The following AUTS2 variants were observed in gnomAD, a reference collection of about 807,000 sequenced individuals.
AUTS2 encodes activator of transcription and developmental regulator AUTS2.
Under a neutral mutation model 112.4 loss-of-function variants are expected in AUTS2, and 17 were observed. That is an observed-to-expected ratio of 0.15 (90% confidence interval 0.10 to 0.23). AUTS2 has a LOEUF of 0.23. AUTS2 is among the 10% of genes least tolerant of loss of function. The probability of loss-of-function intolerance (pLI) is 1.00; values close to 1 mark genes in which losing one functional copy is unlikely to be tolerated. For missense variants in AUTS2, 1,510 were observed against 1,701.6 expected (o/e 0.89, Z 1.98); for synonymous variants, 751 against 702.7 (o/e 1.07, Z -1.09).
chr7:69,869,397 A>T (rs781051719), intron 1 of AUTS2, among the ~76,000 whole-genome samples: 1 of 152,042 alleles, frequency 6.6e-6, no homozygotes, highest in African/African-American at 2.4e-5. Flanking sequence ...GATTTGAGGC[A>T]TCGTGTCCTT....
At chr7:69,636,911 G>T (rs1247699031) in intron 1 of AUTS2, among the ~76,000 whole-genome samples, 1 of 151,948 alleles carries the variant, frequency 6.6e-6, no homozygotes, top group African/African-American at 2.4e-5. Context: ...GACTACAGGC[G>T]CCTGCCACCA....
intron 2 of AUTS2, among the ~76,000 whole-genome samples, chr7:69,996,710 A>C (rs1230545987): frequency 2.0e-5 from 3 of 151,994 alleles, no homozygotes; most frequent in Non-Finnish European, 4.4e-5. Flanking sequence ...AGTTGTAAAA[A>C]CTTCAAAGTG....
chr7:69,810,854 G>C (rs1790516224), intron 1 of AUTS2, among the ~76,000 whole-genome samples: 3 of 152,120 alleles, frequency 2.0e-5, no homozygotes, highest in African/African-American at 4.8e-5. Context: ...TTAAAGACTA[G>C]AAAACATAAC....
At chr7:70,349,195 C>T (rs1311471028) in intron 4 of AUTS2, among the ~76,000 whole-genome samples, 1 of 152,192 alleles carries the variant, frequency 6.6e-6, no homozygotes, top group East Asian at 1.9e-4. Flanking sequence ...GAGACCTCTG[C>T]TCACAGACAC....
intron 1 of AUTS2, among the ~76,000 whole-genome samples, chr7:69,764,179 G>T (rs906951687): frequency 2.0e-5 from 3 of 152,200 alleles, no homozygotes; most frequent in Admixed American, 6.5e-5. Flanking sequence ...TAGCGTAAAT[G>T]AGATGCTTTT....
At chr7:69,978,901 C>T (rs988949154) in intron 2 of AUTS2, among the ~76,000 whole-genome samples, 7 of 129,110 alleles carry the variant, frequency 5.4e-5, no homozygotes, top group East Asian at 2.3e-4. Context: ...CACACACACA[C>T]GCACACACGC....
At chr7:70,511,201 T>G (rs1585235844) in intron 5 of AUTS2, among the ~76,000 whole-genome samples, 1 of 151,950 alleles carries the variant, frequency 6.6e-6, no homozygotes, top group Non-Finnish European at 1.5e-5. Context: ...CAAAAAAAAA[T>G]TTAAGAGTAT....
intron 4 of AUTS2, among the ~76,000 whole-genome samples, chr7:70,298,177 G>T (rs993253362): frequency 3.3e-5 from 5 of 151,734 alleles, no homozygotes; most frequent in African/African-American, 1.2e-4. Flanking sequence ...GATTACAGGC[G>T]GCCACCACCA....
chr7:70,262,679 A>G (rs946434178), intron 4 of AUTS2, among the ~76,000 whole-genome samples: 1 of 152,246 alleles, frequency 6.6e-6, no homozygotes, highest in East Asian at 1.9e-4. Context: ...CTCCGGATTT[A>G]GGTCTCCATT....
chr7:69,736,129 T>G (rs2129238703), intron 1 of AUTS2, among the ~76,000 whole-genome samples: 1 of 152,324 alleles, frequency 6.6e-6, no homozygotes, highest in East Asian at 1.9e-4. Context: ...AAGTGGTACT[T>G]TGTGAACCTT....
chr7:69,628,705 CA>C (rs1259958503), intron 1 of AUTS2, among the ~76,000 whole-genome samples: 1 of 152,102 alleles, frequency 6.6e-6, no homozygotes, highest in Non-Finnish European at 1.5e-5. Flanking sequence ...CACTTTTAAA[CA>C]AGCAGATCTC....
At chr7:70,352,767 A>G (rs1791826526) in intron 4 of AUTS2, among the ~76,000 whole-genome samples, 1 of 152,214 alleles carries the variant, frequency 6.6e-6, no homozygotes. Context: ...TCGTTTAAAA[A>G]AAGCGAAGAG....
At chr7:70,186,838 G>A (rs1809632737) in intron 4 of AUTS2, among the ~76,000 whole-genome samples, 1 of 152,154 alleles carries the variant, frequency 6.6e-6, no homozygotes, top group African/African-American at 2.4e-5. Context: ...CAAAGTGCTG[G>A]CATTATAGGC....
intron 4 of AUTS2, among the ~76,000 whole-genome samples, chr7:70,339,390 G>A (rs777775565): frequency 6.6e-6 from 1 of 152,136 alleles, no homozygotes; most frequent in South Asian, 2.1e-4. Context: ...CCAAAACAAC[G>A]TGCTAATTTA....
At chr7:69,734,557 G>A (rs1251066267) in intron 1 of AUTS2, among the ~76,000 whole-genome samples, 1 of 151,410 alleles carries the variant, frequency 6.6e-6, no homozygotes, top group African/African-American at 2.4e-5. Context: ...GCAGAAGTCT[G>A]GGCTTTACAC....
chr7:69,961,031 A>G (rs1384615325), intron 2 of AUTS2, among the ~76,000 whole-genome samples: 3 of 152,018 alleles, frequency 2.0e-5, no homozygotes, highest in Non-Finnish European at 4.4e-5. Context: ...GCGTGTATGT[A>G]TGTGTATCAT....
chr7:70,553,048 A>ACT (rs1180028400), intron 5 of AUTS2, among the ~76,000 whole-genome samples: 2 of 152,128 alleles, frequency 1.3e-5, no homozygotes, highest in East Asian at 3.9e-4. Context: ...CAAATGACGT[A>ACT]CTCTCTCTAG....
intron 2 of AUTS2, among the ~76,000 whole-genome samples, chr7:70,097,664 A>G (rs1028592280): frequency 6.6e-6 from 1 of 152,234 alleles, no homozygotes; most frequent in Non-Finnish European, 1.5e-5. Flanking sequence ...GCTGATAATC[A>G]GTAGTCAAAA....
intron 5 of AUTS2, among the ~76,000 whole-genome samples, chr7:70,575,855 A>G (rs1374596703): frequency 3.3e-5 from 5 of 152,182 alleles, no homozygotes; most frequent in African/African-American, 4.8e-5. Context: ...AGCTTTGCAC[A>G]TCATTCTGCC....
Sources: allele counts gnomAD v4.1 joint callset (sites outside exome capture counted in the v4.1 genomes callset), GRCh38; gene constraint gnomAD v4.1.1; transcripts MANE v1.5; gene names NCBI Gene and HGNC (gene_info 2026-07-23, HGNC 2026-07-21).